ANK2: variants seen among roughly 807,000 people sequenced by gnomAD.
ANK2 encodes the protein ankyrin-2.
Under a neutral mutation model 360.5 loss-of-function variants are expected in ANK2, and 83 were observed. That is an observed-to-expected ratio of 0.23 (90% CI 0.19 to 0.28). The LOEUF (loss-of-function observed/expected upper bound fraction) is 0.28, where lower values mean the gene tolerates loss of function less well. Ranked by LOEUF, ANK2 falls within the 10% of genes least tolerant of loss-of-function variation. The pLI is 1.00. For synonymous variants in ANK2, 1,740 were observed against 1,759.5 expected (o/e 0.99, Z 0.28); for missense variants, 4,201 against 4,795.7 (o/e 0.88, Z 3.66).
intron 13 of ANK2, among the ~76,000 whole-genome samples, chr4:113,260,438 A>G (rs761351932): frequency 4.6e-5 from 7 of 152,126 alleles, no homozygotes; most frequent in Non-Finnish European, 1.0e-4. Context: ...TGTCCATTAT[A>G]TTATCTTTCC....
chr4:113,226,291 A>T (rs1461425684), intron 4 of ANK2, among the ~76,000 whole-genome samples: 1 of 152,002 alleles, frequency 6.6e-6, no homozygotes, highest in Non-Finnish European at 1.5e-5. Flanking sequence ...TAAAATTCAG[A>T]CTCCTCAGCA....
intron 2 of ANK2, among the ~76,000 whole-genome samples, chr4:112,989,501 C>T (rs1315516554): frequency 1.3e-5 from 2 of 152,106 alleles, no homozygotes; most frequent in African/African-American, 4.8e-5. Context: ...AAAATAAGCC[C>T]TGGTGCCTCT....
At chr4:113,130,446 G>A (rs1396152466) in intron 1 of ANK2, among the ~76,000 whole-genome samples, 1 of 151,940 alleles carries the variant, frequency 6.6e-6, no homozygotes, top group Non-Finnish European at 1.5e-5. Flanking sequence ...TTCAGTTTTA[G>A]TCAAATGTAT....
intron 38 of ANK2, among the ~76,000 whole-genome samples, 154 bp from the exon 39 acceptor site, chr4:113,360,669 A>G (rs920710978): frequency 3.9e-5 from 6 of 152,170 alleles, no homozygotes; most frequent in African/African-American, 1.4e-4. Flanking sequence ...ATTCCACCCC[A>G]GAAATCAGAC....
exon 1 of ANK2, chr4:112,818,132 AGTCGGTTCCTGGGCTGCT>A (rs956928708): frequency 6.6e-6 from 1 of 152,216 alleles, no homozygotes; most frequent in Non-Finnish European, 1.5e-5. Context: ...GTAATGGGAA[AGTCGGTTCCTGGGCTGCT>A]GTCTCATAGA....
chr4:112,726,416 A>G, the ANK2 span, among the ~76,000 whole-genome samples: 1 of 152,064 alleles, frequency 6.6e-6, no homozygotes, highest in African/African-American at 2.4e-5. Flanking sequence ...CACTCTCTGT[A>G]CCTCTCTAAG....
chr4:112,785,905 A>G, the ANK2 span, among the ~76,000 whole-genome samples: 1 of 151,958 alleles, frequency 6.6e-6, no homozygotes, highest in Non-Finnish European at 1.5e-5. Flanking sequence ...CAGCAGTGTG[A>G]TCTTGGCTCA....
intron 1 of ANK2, among the ~76,000 whole-genome samples, chr4:112,877,629 A>G (rs1273907364): frequency 6.6e-6 from 1 of 152,184 alleles, no homozygotes; most frequent in African/African-American, 2.4e-5. Context: ...CTTGTTCAAA[A>G]TTATTAAGAA....
the ANK2 span, among the ~76,000 whole-genome samples, chr4:112,801,029 T>C: frequency 3.9e-5 from 6 of 152,098 alleles, no homozygotes; most frequent in South Asian, 8.3e-4. Flanking sequence ...CATTGCACTA[T>C]GGTAATGACA....
At chr4:112,881,801 A>G in intron 1 of ANK2, 1 of 894,264 alleles carries the variant, frequency 1.1e-6, no homozygotes, top group East Asian at 2.5e-5. Context: ...GATGTTCTTC[A>G]GTGTCTTCTT....
At chr4:113,262,235 T>G (rs2053339168) in intron 13 of ANK2, among the ~76,000 whole-genome samples, 1 of 152,188 alleles carries the variant, frequency 6.6e-6, no homozygotes, top group African/African-American at 2.4e-5. Flanking sequence ...GTATTGTTTT[T>G]GTTTTTCTGA....
the ANK2 span, among the ~76,000 whole-genome samples, chr4:112,723,775 C>T: frequency 6.6e-6 from 1 of 152,144 alleles, no homozygotes; most frequent in East Asian, 1.9e-4. Context: ...TAGAACCTAA[C>T]AACAAAGGTC....
chr4:113,086,636 A>AAGCG (rs1281386232), intron 1 of ANK2, among the ~76,000 whole-genome samples: 1 of 152,210 alleles, frequency 6.6e-6, no homozygotes, highest in Non-Finnish European at 1.5e-5. Context: ...GCAAGCAAGC[A>AAGCG]AGCAAACAAA....
intron 1 of ANK2, among the ~76,000 whole-genome samples, chr4:113,164,896 A>G (rs2097697500): frequency 6.6e-6 from 1 of 152,230 alleles, no homozygotes; most frequent in African/African-American, 2.4e-5. Flanking sequence ...TATAGAGAAT[A>G]TTTCTTAAAG....
At chr4:113,170,532 G>A (rs1424474155) in intron 1 of ANK2, among the ~76,000 whole-genome samples, 5 of 152,148 alleles carry the variant, frequency 3.3e-5, no homozygotes, top group African/African-American at 1.2e-4. Context: ...CCATGTAGAG[G>A]ACCTGGAATA....
At chr4:112,746,901 A>G in the ANK2 span, among the ~76,000 whole-genome samples, 2 of 152,216 alleles carry the variant, frequency 1.3e-5, no homozygotes, top group African/African-American at 4.8e-5. Flanking sequence ...ATATTCAAAT[A>G]TCCAATTTTA....
intron 1 of ANK2, among the ~76,000 whole-genome samples, chr4:112,857,991 T>C (rs2150059596): frequency 6.6e-6 from 1 of 152,326 alleles, no homozygotes; most frequent in East Asian, 1.9e-4. Context: ...TTGAGCTCTT[T>C]ATTTACTTTT....
intron 2 of ANK2, among the ~76,000 whole-genome samples, chr4:113,036,016 G>A (rs576729667): frequency 4.6e-5 from 7 of 151,824 alleles, no homozygotes; most frequent in Non-Finnish European, 7.4e-5. Flanking sequence ...TTGTTCCTTC[G>A]TTATTTTCCA....
rs190771029 is a variant in ANK2, at chr4:113,081,010, A to C, written c.84+31198A>C. Among the ~76,000 whole-genome samples the C allele has an allele frequency of 6.8e-4, 104 of 152,356 alleles. 3 individuals are homozygous for C. Among genetic ancestry groups the C allele is most frequent in the Admixed American group, 3.1e-3 (48 of 15,302 alleles). ...AAATTGTAAGAGGATATTTTAATCT[A>C]TAAAATAAATGAAAAATTATTTTCA... is the stretch of plus-strand genomic sequence containing the variant. On this transcript the variant is annotated intron_variant, in intron 1 of 45. Transcript: ENST00000357077.
Sources: allele counts gnomAD v4.1 joint callset (sites outside exome capture counted in the v4.1 genomes callset), GRCh38; gene constraint gnomAD v4.1.1; transcripts MANE v1.5; gene names NCBI Gene and HGNC (gene_info 2026-07-23, HGNC 2026-07-21).